Variants in PCDHGB5 observed in about 807,000 individuals in gnomAD.
The protein encoded by PCDHGB5 is protocadherin gamma-B5.
In PCDHGB5, 48 loss-of-function variants were observed where a neutral mutation model predicts 62.9. The ratio of observed to expected loss-of-function variants is 0.76; its 90% CI spans 0.61 to 0.97. PCDHGB5 has a LOEUF of 0.97. PCDHGB5 is among the 50% of genes least tolerant of loss of function. The pLI, the probability that PCDHGB5 is intolerant of heterozygous loss-of-function variation, is 0.00. For synonymous variants in PCDHGB5, 474 were observed against 511.2 expected, an observed-to-expected ratio of 0.93 and a Z score of 0.98; for missense variants, 1,118 against 1,198.6, an observed-to-expected ratio of 0.93 and a Z score of 0.99.
intron 1 of PCDHGB5, chr5:141,413,070 T>C: frequency 8.4e-7 from 1 of 1,195,132 alleles, no homozygotes; most frequent in African/African-American, 1.5e-5. Context: ...GAATTTAAAG[T>C]GCCCAGGCTA....
At chr5:141,405,047 G>T (rs754907464) in intron 1 of PCDHGB5, 1 of 1,613,944 alleles carries the variant, frequency 6.2e-7, no homozygotes, top group Non-Finnish European at 8.5e-7. Flanking sequence ...GGCTGTGGCA[G>T]TCGTCTCCTG....
chr5:141,414,793 G>A lies in PCDHGB5; in HGVS notation c.2397+14269G>A, dbSNP rs756653393. On this transcript the variant is annotated intron_variant, in intron 1 of 3. Transcript: ENST00000617380. ...GCTACAGATGCAGGTGACAGCCAGCGACAGCGGGGATCCTCCACTCAGCAG... is the reference window on the plus strand; with the variant it reads ...GCTACAGATGCAGGTGACAGCCAGCAACAGCGGGGATCCTCCACTCAGCAG... 2.5e-6 allele frequency: 4 copies of A among 1,614,100 alleles called. No individual in the cohort carries two copies. The African/African-American group carries it at 4.0e-5, about 16-fold the overall frequency.
At chr5:141,469,671 A>T (rs1285283342) in intron 1 of PCDHGB5, among the ~76,000 whole-genome samples, 3 of 152,236 alleles carry the variant, frequency 2.0e-5, no homozygotes, top group Admixed American at 1.3e-4. Flanking sequence ...TTCTAATAAA[A>T]CTACATATGC....
chr5:141,495,005 C>A, intron 2 of PCDHGB5, 140 bp downstream of exon 2: 1 of 1,522,810 alleles, frequency 6.6e-7, no homozygotes. Context: ...TCTTGGTGTG[C>A]GGGGGGCTGG....
At chr5:141,410,722 ATCC>A (rs2154543211) in intron 1 of PCDHGB5, 21 of 1,396,054 alleles carry the variant, frequency 1.5e-5, no homozygotes, top group Non-Finnish European at 2.0e-5. Context: ...TATGTTTAAA[ATCC>A]ATAGCTTTTT....
chr5:141,428,081 C>T (rs768842388), intron 1 of PCDHGB5: 2 of 1,609,218 alleles, frequency 1.2e-6, no homozygotes, highest in Non-Finnish European at 1.7e-6. Context: ...CGGGACACAA[C>T]GCTTGGCTGT....
intron 1 of PCDHGB5, among the ~76,000 whole-genome samples, chr5:141,448,604 A>G (rs954578256): frequency 1.3e-5 from 2 of 152,118 alleles, no homozygotes; most frequent in Non-Finnish European, 2.9e-5. Flanking sequence ...AATACTATAC[A>G]CCACTTTATA....
chr5:141,410,844 TTTGTC>T, intron 1 of PCDHGB5: 1 of 422,400 alleles, frequency 2.4e-6, no homozygotes, highest in Non-Finnish European at 3.9e-6. Context: ...ATATTTTGTC[TTTGTC>T]TTTTTTTTTT....
chr5:141,413,575 G>A lies in PCDHGB5; in HGVS notation c.2397+13051G>A, dbSNP rs762938003. The stretch of plus-strand genomic sequence containing the variant: ...AGAAGTAACTGATATCAATGACAAT[G>A]CTCCAAAATTCCAAGCAGAAAATCT... On this transcript the variant is annotated intron_variant, in intron 1 of 3. Transcript: ENST00000617380. 4.3e-6 allele frequency: 7 copies of A among 1,613,886 alleles called. No individual in the cohort carries two copies. In the South Asian group the frequency reaches 6.6e-5, roughly 15 times the overall value.
chr5:141,401,290 C>G (rs1460193254), intron 1 of PCDHGB5, among the ~76,000 whole-genome samples: 1 of 151,710 alleles, frequency 6.6e-6, no homozygotes, highest in South Asian at 2.1e-4. Context: ...TGCGGTGAGC[C>G]GAGATCACTC....
intron 1 of PCDHGB5, among the ~76,000 whole-genome samples, chr5:141,442,609 TA>T (rs1238913928): frequency 6.6e-6 from 1 of 152,112 alleles, no homozygotes; most frequent in African/African-American, 2.4e-5. Flanking sequence ...GAGATCTCAG[TA>T]AAAAGCATTT....
At chr5:141,479,120 A>T (rs1278879959) in intron 1 of PCDHGB5, among the ~76,000 whole-genome samples, 1 of 152,232 alleles carries the variant, frequency 6.6e-6, no homozygotes, top group Non-Finnish European at 1.5e-5. Context: ...TTCTACTGGA[A>T]ATGATGTGCA....
intron 1 of PCDHGB5, chr5:141,418,421 G>A (rs776535087): frequency 2.5e-6 from 4 of 1,613,966 alleles, no homozygotes; most frequent in Non-Finnish European, 3.4e-6. Flanking sequence ...CAATCCTGAT[G>A]GTGGCAAATA....
At chr5:141,420,046 A>G (rs772981030) in intron 1 of PCDHGB5, 6 of 1,614,048 alleles carry the variant, frequency 3.7e-6, no homozygotes, top group South Asian at 1.1e-5. Context: ...GCTTTGAGTC[A>G]GTTCTCTGCT....
rs779718690 is a variant in PCDHGB5, at chr5:141,421,727, C to G, written c.2397+21203C>G. ...AGGGATCCAGATGTGGGCGTGAACT[C>G]CCTCCAGAGCTACCAGCTCAGCCCT... On this transcript the variant is annotated intron_variant, in intron 1 of 3. Coordinates refer to ENST00000617380, the MANE Select transcript of PCDHGB5 (RefSeq NM_018925.3). The G allele has an allele frequency of 1.9e-6, 3 of 1,613,916 alleles. No individual in the cohort carries two copies. In the East Asian group the frequency reaches 6.7e-5, roughly 36 times the overall value.
rs765185360 is a variant in PCDHGB5, at chr5:141,491,451, C to T, written c.2398-3356C>T. 1.2e-6 allele frequency: 2 copies of T among 1,614,112 alleles called. No individual in the cohort carries two copies. The highest frequency in any genetic ancestry group is 1.1e-5 in the South Asian group (1 of 91,082). On this transcript the variant is annotated intron_variant, in intron 1 of 3. Coordinates refer to ENST00000617380, the MANE Select transcript of PCDHGB5 (RefSeq NM_018925.3). This position sits in a 1 kb window ranked among gnomAD's most constrained non-coding sequence, Gnocchi z 6.9. ...AGTGCTGCAGGCGCCAGGACTCACC[C>T]TCCCCGGACTTCTATAAGCAGTCCA...
At chr5:141,478,143 A>G (rs759384540) in intron 1 of PCDHGB5, 72 of 1,614,014 alleles carry the variant, frequency 4.5e-5, no homozygotes, top group Middle Eastern at 3.3e-4. Context: ...GCCCGAGCCG[A>G]GTTCCCCTCT....
intron 1 of PCDHGB5, among the ~76,000 whole-genome samples, chr5:141,481,215 G>T (rs1238465869): frequency 6.6e-6 from 1 of 152,152 alleles, no homozygotes; most frequent in Non-Finnish European, 1.5e-5. Context: ...AACATGGTAA[G>T]GTCTCCCAGC....
chr5:141,471,562 G>T (rs2099259935), intron 1 of PCDHGB5: 1 of 152,136 alleles, frequency 6.6e-6, no homozygotes, highest in Non-Finnish European at 1.5e-5. Flanking sequence ...TTGACTCAGG[G>T]GTAGCAGTAG....
Sources: allele counts gnomAD v4.1 joint callset (sites outside exome capture counted in the v4.1 genomes callset), GRCh38; gene constraint gnomAD v4.1.1; non-coding constraint Gnocchi (gnomAD v3.1); transcripts MANE v1.5; gene names NCBI Gene and HGNC (gene_info 2026-07-23, HGNC 2026-07-21).